ZNF600: variants seen among roughly 807,000 people sequenced by gnomAD.
The protein encoded by ZNF600 is zinc finger protein 600, also known as zinc finger protein KR-ZNF1.
In ZNF600, 4 loss-of-function variants were observed where a neutral mutation model predicts 7.3. That is an observed-to-expected ratio of 0.55 (90% CI 0.27 to 1.25). The LOEUF is 1.25. Ranked by LOEUF, ZNF600 falls within the 50% of genes most tolerant of loss-of-function variation. The pLI, the probability that ZNF600 is intolerant of heterozygous loss-of-function variation, is 0.12. For synonymous variants in ZNF600, 290 were observed against 308.9 expected (o/e 0.94, Z 0.64); for missense variants, 911 against 922.1 (o/e 0.99, Z 0.16).
chr19:52,793,411 G>A, the ZNF600 span, among the ~76,000 whole-genome samples: 6 of 152,158 alleles, frequency 3.9e-5, no homozygotes, highest in Non-Finnish European at 5.9e-5. Context: ...CTTATCACTT[G>A]CAGCTGAGGG....
chr19:52,782,869 C>T (rs981466499), intron 1 of ZNF600, among the ~76,000 whole-genome samples: 62 of 151,664 alleles, frequency 4.1e-4, no homozygotes, highest in African/African-American at 1.5e-3. Context: ...AGAAAGACTC[C>T]ATCTCAAAAA....
chr19:52,811,939 C>T, the ZNF600 span, among the ~76,000 whole-genome samples: 11 of 75,774 alleles, frequency 1.5e-4, no homozygotes, highest in East Asian at 3.3e-4. Flanking sequence ...AGGTGAGGGG[C>T]GCCTCTGCCC....
chr19:52,810,867 C>T, the ZNF600 span, among the ~76,000 whole-genome samples: 1 of 1,726 alleles, frequency 5.8e-4, no homozygotes, highest in African/African-American at 3.0e-3. Flanking sequence ...CTCCCCCTCC[C>T]CCTCCCCCTC....
the ZNF600 span, among the ~76,000 whole-genome samples, chr19:52,808,969 A>G: frequency 6.6e-6 from 1 of 152,166 alleles, no homozygotes; most frequent in Non-Finnish European, 1.5e-5. Flanking sequence ...AATATAAAAG[A>G]TTTTCAAAAT....
chr19:52,773,972 C>T (rs1256057591), intron 3 of ZNF600, among the ~76,000 whole-genome samples: 1 of 151,860 alleles, frequency 6.6e-6, no homozygotes, highest in Non-Finnish European at 1.5e-5. Flanking sequence ...CCCACCTCAG[C>T]CTTCCAAAGT....
intron 2 of ZNF600, among the ~76,000 whole-genome samples, chr19:52,778,308 C>A (rs1274496284): frequency 1.3e-5 from 2 of 150,406 alleles, no homozygotes; most frequent in African/African-American, 4.9e-5. Flanking sequence ...GCACCTGAAC[C>A]AACATCCTGT....
the ZNF600 span, chr19:52,808,051 T>C: frequency 6.2e-7 from 1 of 1,613,578 alleles, no homozygotes; most frequent in South Asian, 1.1e-5. Context: ...CACATCCCTG[T>C]AAAGAGTCCT....
the ZNF600 span, among the ~76,000 whole-genome samples, chr19:52,815,409 C>T: frequency 3.4e-5 from 5 of 145,040 alleles, 1 homozygote; most frequent in Non-Finnish European, 7.4e-5. Context: ...CCCAGCTACT[C>T]GAGAGTCTGA....
chr19:52,828,527 C>A, the ZNF600 span, among the ~76,000 whole-genome samples: 2 of 152,098 alleles, frequency 1.3e-5, no homozygotes, highest in East Asian at 1.9e-4. Context: ...GTTACAACTA[C>A]AGTTAAATAA....
chr19:52,795,907 G>A, the ZNF600 span, among the ~76,000 whole-genome samples: 1 of 151,636 alleles, frequency 6.6e-6, no homozygotes, highest in African/African-American at 2.4e-5. Flanking sequence ...GGGCTTGGTG[G>A]CTCATGACTG....
the ZNF600 span, among the ~76,000 whole-genome samples, chr19:52,830,376 A>G: frequency 6.6e-6 from 1 of 152,176 alleles, no homozygotes; most frequent in African/African-American, 2.4e-5. Flanking sequence ...CATGACCCCA[A>G]TTTGCACATA....
chr19:52,826,074 C>G, the ZNF600 span, among the ~76,000 whole-genome samples: 1 of 152,150 alleles, frequency 6.6e-6, no homozygotes, highest in Non-Finnish European at 1.5e-5. Context: ...CAGTGATTCC[C>G]CATTGAGCCA....
intron 3 of ZNF600, among the ~76,000 whole-genome samples, chr19:52,769,121 C>T (rs1438094168): frequency 6.6e-6 from 1 of 152,214 alleles, no homozygotes; most frequent in East Asian, 1.9e-4. Flanking sequence ...GTGGTAGCAT[C>T]AGTGCCAAGG....
upstream of ZNF600, among the ~76,000 whole-genome samples, chr19:52,791,269 G>T (rs1031693506): frequency 6.6e-6 from 1 of 152,186 alleles, no homozygotes; most frequent in Admixed American, 6.5e-5. Flanking sequence ...GTCTGGGTGT[G>T]AGCCCTTCCC....
At chr19:52,779,010 C>T in intron 1 of ZNF600, 103 bp from the exon 4 acceptor site, 2 of 1,037,042 alleles carry the variant, frequency 1.9e-6, no homozygotes, top group South Asian at 1.8e-5. Context: ...GAAAGAAGTC[C>T]CCCACCGCCC....
At chr19:52,829,300 G>T in the ZNF600 span, among the ~76,000 whole-genome samples, 7 of 151,378 alleles carry the variant, frequency 4.6e-5, no homozygotes, top group African/African-American at 1.7e-4. Flanking sequence ...GTGCCATGCT[G>T]GTGCGCTGCA....
chr19:52,797,946 C>T, the ZNF600 span: 1 of 152,040 alleles, frequency 6.6e-6, no homozygotes, highest in Non-Finnish European at 1.5e-5. Context: ...CACAGCGAAA[C>T]CCAGTCTCTA....
the ZNF600 span, among the ~76,000 whole-genome samples, chr19:52,826,535 A>G: frequency 6.6e-6 from 1 of 152,082 alleles, no homozygotes; most frequent in African/African-American, 2.4e-5. Flanking sequence ...GCAAAACCCC[A>G]TCTCTACTAA....
At chr19:52,766,866 G>C (rs1468183849) in exon 4 of ZNF600, 14 of 1,614,146 alleles carry the variant, frequency 8.7e-6, no homozygotes, top group Non-Finnish European at 1.2e-5. Flanking sequence ...TTTCTCTCCA[G>C]TATGAATTCT....
Sources: allele counts gnomAD v4.1 joint callset (sites outside exome capture counted in the v4.1 genomes callset), GRCh38; gene constraint gnomAD v4.1.1; transcripts MANE v1.5; gene names NCBI Gene and HGNC (gene_info 2026-07-23, HGNC 2026-07-21).